SPIRE1: variants seen among roughly 807,000 people sequenced by gnomAD.
SPIRE1 encodes spire type actin nucleation factor 1.
In SPIRE1, 40 loss-of-function variants were observed where a neutral mutation model predicts 94.1. The observed-to-expected ratio is 0.43, with a 90% CI of 0.33 to 0.55. The LOEUF (loss-of-function observed/expected upper bound fraction) is 0.55, where lower values mean the gene tolerates loss of function less well. SPIRE1 is among the 20% of genes least tolerant of loss of function. The pLI, the probability that SPIRE1 is intolerant of heterozygous loss-of-function variation, is 0.06. For missense variants in SPIRE1, 838 were observed against 975.2 expected, an observed-to-expected ratio of 0.86 and a Z score of 1.87; for synonymous variants, 376 against 371.7, an observed-to-expected ratio of 1.01 and a Z score of -0.13.
At chr18:12,454,540 A>G (rs2031414281) in intron 12 of SPIRE1, 57 bp from the exon 13 acceptor site, 1 of 1,560,836 alleles carries the variant, frequency 6.4e-7, no homozygotes. Context: ...CTGGAAGTGC[A>G]AAATTTCCCT....
upstream of SPIRE1, chr18:12,658,267 AG>A (rs34739227): frequency 2.2e-6 from 1 of 458,514 alleles, no homozygotes; most frequent in South Asian, 1.6e-5. Context: ...TCTAGCCCGC[AG>A]GGCTCTCAGA....
intron 6 of SPIRE1, among the ~76,000 whole-genome samples, chr18:12,498,563 AACACATAAAATG>A (rs1284369762): frequency 6.6e-6 from 1 of 152,106 alleles, no homozygotes; most frequent in Non-Finnish European, 1.5e-5. Flanking sequence ...AAAAACTTCT[AACACATAAAATG>A]ATCTCCTCTG....
chr18:12,591,607 C>T (rs1322366425), intron 2 of SPIRE1, among the ~76,000 whole-genome samples: 7 of 152,168 alleles, frequency 4.6e-5, no homozygotes, highest in Admixed American at 3.9e-4. Context: ...CAACCAAACG[C>T]ATTTGCTAAT....
At chr18:12,556,459 G>C (rs914239008) in intron 2 of SPIRE1, among the ~76,000 whole-genome samples, 2 of 152,170 alleles carry the variant, frequency 1.3e-5, no homozygotes, top group African/African-American at 4.8e-5. Flanking sequence ...TCTTGGTCTC[G>C]CTGACTTCAA....
intron 4 of SPIRE1, among the ~76,000 whole-genome samples, chr18:12,514,175 G>A (rs56792052): frequency 0.15 from 22,730 of 152,080 alleles, 2,077 homozygotes; most frequent in African/African-American, 0.25. Context: ...CCAGCCTTAT[G>A]GTATGCACAC....
At chr18:12,573,703 A>T (rs1294444197) in intron 2 of SPIRE1, among the ~76,000 whole-genome samples, 2 of 152,190 alleles carry the variant, frequency 1.3e-5, no homozygotes, top group African/African-American at 4.8e-5. Context: ...TATAAAACAT[A>T]AAAAGTGAAC....
At chr18:12,633,609 A>C (rs1567981196) in intron 2 of SPIRE1, among the ~76,000 whole-genome samples, 1 of 152,084 alleles carries the variant, frequency 6.6e-6, no homozygotes, top group African/African-American at 2.4e-5. Flanking sequence ...AAATACAAAA[A>C]TTAATGCCAA....
intron 6 of SPIRE1, among the ~76,000 whole-genome samples, chr18:12,498,121 GTTCCAATGAGAATGTCT>G (rs1341226625): frequency 5.3e-5 from 8 of 152,208 alleles, no homozygotes; most frequent in African/African-American, 1.9e-4. Flanking sequence ...AATCTGAAAT[GTTCCAATGAGAATGTCT>G]TTTGAGTATC....
rs369348774 is a variant in SPIRE1, at chr18:12,479,747, C to T, written c.1356G>A (p.Lys452=). 44 of 1,613,878 alleles carry T rather than the reference C, an allele frequency of 2.7e-5. No individual in the cohort carries two copies. In the African/African-American group the frequency reaches 4.1e-4, roughly 15 times the overall value. ...TSQQVPAQRK[K]LLRAPTLAEL... ...CGGCCAGAGTTGGGGCTCTGAGGAG[C>T]TTCTTCCGCTGTGCAGGCACCTGCT... Residue 452 remains lysine (K), a synonymous_variant, in exon 10 of 17, where the codon AAG becomes AAA. Transcript: ENST00000409402.
intron 7 of SPIRE1, among the ~76,000 whole-genome samples, chr18:12,493,924 A>T (rs2033338797): frequency 6.6e-6 from 1 of 151,720 alleles, no homozygotes; most frequent in South Asian, 2.1e-4. Context: ...TTTGTTTTTG[A>T]GACAGGGTCT....
chr18:12,489,012 C>T (rs537468752), intron 8 of SPIRE1, among the ~76,000 whole-genome samples: 83 of 150,724 alleles, frequency 5.5e-4, no homozygotes, highest in Non-Finnish European at 8.0e-4. Flanking sequence ...GGTGAAACCC[C>T]GTCTCTACTA....
rs775092182 is a variant in SPIRE1 at position 12,463,433 on chromosome 18, T to G, written c.1556A>C (p.Gln519Pro). 2 of 1,614,058 alleles carry G rather than the reference T, an allele frequency of 1.2e-6. No individual in the cohort carries two copies. The highest frequency in any genetic ancestry group is 8.5e-7 in the Non-Finnish European group (1 of 1,179,978). Residue 519 changes from glutamine to proline, a missense_variant, in exon 12 of 17, where the codon CAG becomes CCG. By Grantham distance (76) the Gln-to-Pro change is moderately conservative. Coordinates refer to ENST00000409402, the MANE Select transcript of SPIRE1 (RefSeq NM_001128626.2). ...TTCCTTTTCAATGGAATGTCGTCTC[T>G]GGGGTGGCTGCCGTCTCTCTGGCTG... ...TPQPERRQPP[Q>P]RRHSIEKETP...
intron 2 of SPIRE1, among the ~76,000 whole-genome samples, chr18:12,596,679 C>T (rs1231785321): frequency 2.0e-5 from 3 of 151,934 alleles, no homozygotes; most frequent in Non-Finnish European, 4.4e-5. Flanking sequence ...TTTTAAAATA[C>T]TGTTTTATGG....
At chr18:12,518,560 G>C (rs554333316) in intron 4 of SPIRE1, among the ~76,000 whole-genome samples, 1 of 151,920 alleles carries the variant, frequency 6.6e-6, no homozygotes, top group East Asian at 1.9e-4. Context: ...TCTCATGCCT[G>C]TAGTCCCAAC....
At chr18:12,592,373 T>G (rs979182013) in intron 2 of SPIRE1, among the ~76,000 whole-genome samples, 1 of 152,226 alleles carries the variant, frequency 6.6e-6, no homozygotes, top group Admixed American at 6.5e-5. Context: ...TATAATCACA[T>G]TTTTCATTTC....
chr18:12,520,940 C>T (rs2034339412), intron 4 of SPIRE1, among the ~76,000 whole-genome samples: 1 of 152,116 alleles, frequency 6.6e-6, no homozygotes, highest in East Asian at 1.9e-4. Context: ...ACAGGTGTCC[C>T]AGTGTGAGTT....
At chr18:12,584,480 C>A (rs1445977240) in intron 2 of SPIRE1, among the ~76,000 whole-genome samples, 1 of 151,490 alleles carries the variant, frequency 6.6e-6, no homozygotes. Context: ...TTAAAAGAAC[C>A]AAAGAAGTAT....
At chr18:12,566,894 GA>G (rs2035834659) in intron 2 of SPIRE1, among the ~76,000 whole-genome samples, 1 of 152,076 alleles carries the variant, frequency 6.6e-6, no homozygotes, top group African/African-American at 2.4e-5. Flanking sequence ...GATACTATGA[GA>G]ATACGACAGA....
At chr18:12,549,604 A>AC (rs1189098591) in intron 2 of SPIRE1, among the ~76,000 whole-genome samples, 1 of 150,816 alleles carries the variant, frequency 6.6e-6, no homozygotes, top group East Asian at 1.9e-4. Flanking sequence ...GGTGTGCACC[A>AC]CCATGCCGGG....
Sources: gnomAD v4.1 joint callset for allele counts (sites outside exome capture counted in the v4.1 genomes callset) on GRCh38, gnomAD v4.1.1 for gene constraint, MANE v1.5 for transcripts, NCBI Gene and HGNC (gene_info 2026-07-23, HGNC 2026-07-21) for gene names.